The following RPA3 variants were observed in gnomAD, a reference collection of about 807,000 sequenced individuals.
RPA3 encodes the protein replication protein A 14 kDa subunit.
RPA3 carries 24 observed loss-of-function variants against 13.7 expected under a neutral mutation model. The ratio of observed to expected loss-of-function variants is 1.75; its 90% CI spans 1.27 to 2.46. The LOEUF (loss-of-function observed/expected upper bound fraction) is 2.46, where lower values mean the gene tolerates loss of function less well. Ranked by LOEUF, RPA3 falls within the 30% of genes most tolerant of loss-of-function variation. RPA3 has a pLI of 0.00. For missense variants in RPA3, 183 were observed against 151.0 expected (o/e 1.21, Z -1.11); for synonymous variants, 59 against 51.2 (o/e 1.15, Z -0.65).
chr7:7,640,559 C>T lies in RPA3; in HGVS notation c.-141G>A. The T allele has an allele frequency of 1.4e-6, 1 of 737,558 alleles. No individual in the cohort carries two copies. Among genetic ancestry groups the T allele is most frequent in the Non-Finnish European group, 2.3e-6 (1 of 438,036 alleles). The allele number at this position is 737,558 out of a possible 1,614,324, so 45.7% of individuals were successfully genotyped here. On this transcript the variant is annotated 5_prime_UTR_variant, in exon 5 of 8. Transcript: ENST00000223129. ...GCTTCGCCAATTAAATGCGCGGAAA[C>T]CTAAATCGCAATCGCGCTGTCTCTG... is the stretch of plus-strand genomic sequence containing the variant.
At chr7:7,645,512 G>A (rs1259855971) in intron 4 of RPA3, among the ~76,000 whole-genome samples, 1 of 152,154 alleles carries the variant, frequency 6.6e-6, no homozygotes, top group African/African-American at 2.4e-5. Flanking sequence ...GTAAATCCAC[G>A]TTCTATGTGG....
At chr7:7,713,526 T>C (rs1323065382) in intron 2 of RPA3, among the ~76,000 whole-genome samples, 2 of 152,090 alleles carry the variant, frequency 1.3e-5, no homozygotes, top group African/African-American at 4.8e-5. Context: ...CTTAGTGTTT[T>C]CAAAAGACCA....
At chr7:7,698,870 C>CTTTTTT (rs57968079) in intron 2 of RPA3, among the ~76,000 whole-genome samples, 1 of 131,956 alleles carries the variant, frequency 7.6e-6, no homozygotes, top group Non-Finnish European at 1.6e-5. Flanking sequence ...ACCCTCTTGT[C>CTTTTTT]TTTTTTTTTT....
intron 4 of RPA3, chr7:7,673,283 G>A: frequency 8.8e-7 from 1 of 1,137,814 alleles, no homozygotes; most frequent in Admixed American, 2.0e-5. Flanking sequence ...ATCTGAATTT[G>A]ACATTGTGTA....
chr7:7,675,975 A>G (rs1289865016), intron 4 of RPA3: 2 of 393,334 alleles, frequency 5.1e-6, no homozygotes, highest in Non-Finnish European at 9.0e-6. Flanking sequence ...TCCTCTGTAC[A>G]TAGTCTTCTG....
chr7:7,703,811 G>A (rs900608924), intron 2 of RPA3, among the ~76,000 whole-genome samples: 1 of 152,058 alleles, frequency 6.6e-6, no homozygotes, highest in Non-Finnish European at 1.5e-5. Context: ...ATGTGGTGGC[G>A]TGCCCCTGTA....
intron 4 of RPA3, chr7:7,673,368 A>AGCAGCAGCAGCG (rs776102769): frequency 2.7e-6 from 3 of 1,125,840 alleles, no homozygotes; most frequent in African/African-American, 3.2e-5. Context: ...CAGCAGCAGC[A>AGCAGCAGCAGCG]GCAATGTTTC....
intron 4 of RPA3, among the ~76,000 whole-genome samples, chr7:7,649,746 C>A (rs1221807021): frequency 1.3e-5 from 2 of 151,952 alleles, no homozygotes; most frequent in Admixed American, 6.6e-5. Context: ...TTGTCTCTCT[C>A]CCCCCACCCA....
At chr7:7,682,845 A>G (rs1002030876) in intron 4 of RPA3, among the ~76,000 whole-genome samples, 5 of 152,362 alleles carry the variant, frequency 3.3e-5, no homozygotes, top group African/African-American at 9.6e-5. Flanking sequence ...GGATTTTTCA[A>G]CTAACTTCAT....
chr7:7,642,306 G>GT lies in RPA3; in HGVS notation c.-757-1132_-757-1131insA, dbSNP rs1563075360. 2.1e-4 allele frequency among the ~76,000 whole-genome samples: 27 copies of GT among 131,044 alleles called. No homozygotes were observed. The East Asian group carries it at 0.013, about 64-fold the overall frequency. The allele number at this position is 131,044 out of a possible 152,430, so 86.0% of individuals were successfully genotyped here. ...CATACCACCACACCCAGCTAATAAAGATTTTTTTTTTGTTGTTTGTTTTTT... is the reference window on the plus strand; with the variant it reads ...CATACCACCACACCCAGCTAATAAAGTATTTTTTTTTTGTTGTTTGTTTTTT... On this transcript the variant is annotated intron_variant, in intron 4 of 7. Coordinates refer to ENST00000223129, the MANE Select transcript of RPA3 (RefSeq NM_002947.5).
At chr7:7,643,426 C>G (rs1785019822) in intron 4 of RPA3, among the ~76,000 whole-genome samples, 1 of 152,158 alleles carries the variant, frequency 6.6e-6, no homozygotes, top group South Asian at 2.1e-4. Context: ...GTCCTAGGAT[C>G]AGGGCCGGGC....
chr7:7,697,955 T>A (rs187821068), intron 2 of RPA3, among the ~76,000 whole-genome samples: 1 of 152,178 alleles, frequency 6.6e-6, no homozygotes, highest in Non-Finnish European at 1.5e-5. Context: ...ATAAAAACTT[T>A]GGGGAGTTGC....
At chr7:7,644,294 T>C (rs1329296730) in intron 4 of RPA3, among the ~76,000 whole-genome samples, 1 of 152,048 alleles carries the variant, frequency 6.6e-6, no homozygotes, top group Non-Finnish European at 1.5e-5. Flanking sequence ...TGAGATATTG[T>C]AATGGTACAA....
chr7:7,671,649 T>C (rs1779607782), intron 4 of RPA3, among the ~76,000 whole-genome samples: 1 of 152,298 alleles, frequency 6.6e-6, no homozygotes, highest in South Asian at 2.1e-4. Context: ...TTTTTCCTTG[T>C]GGGGGTTTCC....
At chr7:7,646,162 T>G (rs973189405) in intron 4 of RPA3, among the ~76,000 whole-genome samples, 1 of 152,188 alleles carries the variant, frequency 6.6e-6, no homozygotes, top group Admixed American at 6.5e-5. Flanking sequence ...GACAGCCTTT[T>G]TGGGTTCCCA....
chr7:7,649,781 C>T (rs1488095531), intron 4 of RPA3, among the ~76,000 whole-genome samples: 1 of 152,072 alleles, frequency 6.6e-6, no homozygotes, highest in Non-Finnish European at 1.5e-5. Flanking sequence ...ATCCTAACCC[C>T]TAAGGTGATG....
chr7:7,644,261 G>T (rs1296752719), intron 4 of RPA3, among the ~76,000 whole-genome samples: 1 of 149,986 alleles, frequency 6.7e-6, no homozygotes, highest in Non-Finnish European at 1.5e-5. Flanking sequence ...TTTTCTTACT[G>T]ACTTTTAAGA....
chr7:7,716,815 G>A (rs917415709), intron 1 of RPA3, among the ~76,000 whole-genome samples: 7 of 152,094 alleles, frequency 4.6e-5, no homozygotes, highest in East Asian at 3.9e-4. Flanking sequence ...GCATGGTGGC[G>A]GGCGCCCATA....
chr7:7,662,758 C>T (rs545237703), intron 4 of RPA3, among the ~76,000 whole-genome samples: 2 of 152,234 alleles, frequency 1.3e-5, no homozygotes, highest in East Asian at 1.9e-4. Flanking sequence ...TGTTGCTATT[C>T]GGCCATCTTG....
Sources: allele counts gnomAD v4.1 joint callset (sites outside exome capture counted in the v4.1 genomes callset), GRCh38; gene constraint gnomAD v4.1.1; transcripts MANE v1.5; gene names NCBI Gene and HGNC (gene_info 2026-07-23, HGNC 2026-07-21).